Variants in DOCK3 observed in about 807,000 individuals in gnomAD.
The protein encoded by DOCK3 is dedicator of cytokinesis protein 3.
Under a neutral mutation model 265.6 loss-of-function variants are expected in DOCK3, and 60 were observed. That is an observed-to-expected ratio of 0.23 (90% CI 0.18 to 0.28). The LOEUF is 0.28. Ranked by LOEUF, DOCK3 falls within the 10% of genes least tolerant of loss-of-function variation. The pLI is 1.00. For synonymous variants in DOCK3, 881 were observed against 938.0 expected (o/e 0.94, Z 1.11); for missense variants, 1,981 against 2,594.3 (o/e 0.76, Z 5.14).
In DOCK3 at chr3:50,832,800, T is replaced by C. The variant is rs114022518; in HGVS notation, c.122-8875T>C. On this transcript the variant is annotated intron_variant, in intron 2 of 52. Transcript: ENST00000266037. ...TCAGGCTGAATAGGGGTGGTGATAT[T>C]CCTGCCTAACTATCAGGGTCTCTTG... is the stretch of plus-strand genomic sequence containing the variant. 2.7e-3 allele frequency among the ~76,000 whole-genome samples: 416 copies of C among 152,294 alleles called. 1 individual carries two copies. Among genetic ancestry groups the C allele is most frequent in the African/African-American group, 9.6e-3 (398 of 41,568 alleles).
rs894567957 is a variant in DOCK3 at position 50,724,685 on chromosome 3, G to A, written c.37+49385G>A. On this transcript the variant is annotated intron_variant, in intron 1 of 52. Transcript: ENST00000266037. ...GGAACATCACACACCGGGGCCTGTC[G>A]GGGGATGGGGGTCTGGGGGAGGGAT... Among the ~76,000 whole-genome samples, 8 of 152,052 alleles carry A rather than the reference G, an allele frequency of 5.3e-5. No individual in the cohort carries two copies. In the South Asian group the frequency reaches 8.3e-4, roughly 16 times the overall value.
intron 3 of DOCK3, among the ~76,000 whole-genome samples, chr3:50,869,349 T>TTTTTTTTTTTTTTTTTGGAGA (rs2047323187): frequency 7.5e-5 from 1 of 13,328 alleles, no homozygotes; most frequent in African/African-American, 3.5e-4. Context: ...GGAATTTTTT[T>TTTTTTTTTTTTTTTTTGGAGA]TTTTTTTTTT....
chr3:50,768,670 T>G (rs140155777), intron 1 of DOCK3, among the ~76,000 whole-genome samples: 1 of 152,238 alleles, frequency 6.6e-6, no homozygotes, highest in African/African-American at 2.4e-5. Flanking sequence ...TGGACACTTA[T>G]ATTGATTCCA....
At chr3:50,839,091 A>G (rs926144939) in intron 2 of DOCK3, among the ~76,000 whole-genome samples, 2 of 152,216 alleles carry the variant, frequency 1.3e-5, no homozygotes, top group Admixed American at 6.5e-5. Context: ...CATTTGCATT[A>G]TCATTATATG....
chr3:51,214,889 T>C (rs1460276392), intron 14 of DOCK3, among the ~76,000 whole-genome samples: 1 of 152,148 alleles, frequency 6.6e-6, no homozygotes, highest in East Asian at 1.9e-4. Flanking sequence ...GTTCTTGTTT[T>C]CTAATTAGGC....
chr3:51,383,086 C>T lies in DOCK3; in HGVS notation c.*1527C>T, dbSNP rs2088764316. 1 of 152,258 alleles carries T rather than the reference C, an allele frequency of 6.6e-6. No individual in the cohort carries two copies. The highest frequency in any genetic ancestry group is 2.1e-4 in the South Asian group (1 of 4,828). 9.4% of individuals were successfully genotyped at this position (152,258 alleles called of 1,614,324 possible). ...GCCTGTATGACCTCCACAGCCAGGC[C>T]CTGGGCCCAAGCCCCTTGTCCCTTC... On this transcript the variant is annotated 3_prime_UTR_variant, in exon 53 of 53. Transcript: ENST00000266037.
At chr3:51,108,040 T>G (rs947599334) in intron 9 of DOCK3, among the ~76,000 whole-genome samples, 2 of 145,898 alleles carry the variant, frequency 1.4e-5, no homozygotes, top group African/African-American at 2.6e-5. Flanking sequence ...TATTCAACAT[T>G]CTTTTTTTTT....
At chr3:50,771,849 T>TCAAAAA (rs1236272788) in intron 1 of DOCK3, among the ~76,000 whole-genome samples, 2 of 151,912 alleles carry the variant, frequency 1.3e-5, no homozygotes, top group African/African-American at 2.4e-5. Flanking sequence ...AGACTCCATC[T>TCAAAAA]CAAAAACAAA....
intron 5 of DOCK3, among the ~76,000 whole-genome samples, chr3:50,999,046 AAG>A (rs1411635752): frequency 1.3e-5 from 2 of 152,224 alleles, no homozygotes; most frequent in Admixed American, 6.5e-5. Context: ...AGAAATTAAA[AAG>A]AGTTAAAATT....
chr3:50,748,609 A>G (rs1576323232), intron 1 of DOCK3, among the ~76,000 whole-genome samples: 1 of 152,310 alleles, frequency 6.6e-6, no homozygotes, highest in African/African-American at 2.4e-5. Context: ...ACAATCTCTG[A>G]AAAACAGTGC....
In DOCK3 at chr3:51,374,448, A is replaced by C; in HGVS notation, c.5294-21A>C. On this transcript the variant is annotated intron_variant, in intron 49 of 52. Coordinates refer to ENST00000266037, the MANE Select transcript of DOCK3 (RefSeq NM_004947.5). The surrounding 1 kb of genome is among the most constrained non-coding windows in gnomAD (Gnocchi z 4.8). Reference sequence around the variant, plus strand: ...ATCTGTGGCTTGTCATCTGTGCTTGATTGTTCTCACTTGGTTACAGGCTCT... The same window carrying C: ...ATCTGTGGCTTGTCATCTGTGCTTGCTTGTTCTCACTTGGTTACAGGCTCT... The C allele has an allele frequency of 1.2e-6, 2 of 1,603,476 alleles. No homozygotes were observed. Among genetic ancestry groups the C allele is most frequent in the Non-Finnish European group, 1.7e-6 (2 of 1,174,858 alleles).
At chr3:50,887,856 C>T (rs1326720930) in intron 3 of DOCK3, among the ~76,000 whole-genome samples, 3 of 151,260 alleles carry the variant, frequency 2.0e-5, no homozygotes, top group East Asian at 1.9e-4. Context: ...ACCGATTGAA[C>T]GTATCTCAAA....
intron 5 of DOCK3, among the ~76,000 whole-genome samples, chr3:51,036,275 A>G (rs1401371637): frequency 6.6e-6 from 1 of 152,212 alleles, no homozygotes; most frequent in Non-Finnish European, 1.5e-5. Flanking sequence ...TGGAACTCCA[A>G]TACTATATTC....
chr3:51,235,621 C>T (rs990104584), intron 19 of DOCK3, among the ~76,000 whole-genome samples: 1 of 152,174 alleles, frequency 6.6e-6, no homozygotes, highest in South Asian at 2.1e-4. Flanking sequence ...CCTTCTACCT[C>T]ATATTTTTCA....
chr3:50,802,965 T>C (rs1201341358), intron 2 of DOCK3, among the ~76,000 whole-genome samples: 1 of 151,868 alleles, frequency 6.6e-6, no homozygotes, highest in Non-Finnish European at 1.5e-5. Flanking sequence ...TTCTTCATTT[T>C]TATAATTTAG....
At chr3:50,681,859 A>T (rs1374184174) in intron 1 of DOCK3, among the ~76,000 whole-genome samples, 2 of 152,254 alleles carry the variant, frequency 1.3e-5, no homozygotes, top group African/African-American at 4.8e-5. Flanking sequence ...TGATAAACAC[A>T]GAACTTGATA....
At position 51,151,424 on chromosome 3, in the gene DOCK3, C is replaced by T. The variant is rs577636008; in HGVS notation, c.828+4794C>T. 2.0e-4 allele frequency among the ~76,000 whole-genome samples: 31 copies of T among 152,226 alleles called. No homozygotes were observed. The South Asian group carries it at 6.2e-3, about 31-fold the overall frequency. On this transcript the variant is annotated intron_variant, in intron 10 of 52. Transcript: ENST00000266037. ...ACCAAAAGGACATCCACACCAAAACCCTATCTGTAGGTCACCAGCATCAAA... is the reference window on the plus strand; with the variant it reads ...ACCAAAAGGACATCCACACCAAAACTCTATCTGTAGGTCACCAGCATCAAA...
At chr3:50,697,649 G>A (rs906606262) in intron 1 of DOCK3, among the ~76,000 whole-genome samples, 1 of 152,090 alleles carries the variant, frequency 6.6e-6, no homozygotes, top group South Asian at 2.1e-4. Flanking sequence ...CACAACCTTA[G>A]CCTCTAGAAG....
At chr3:51,297,844 T>C (rs1239859328) in intron 27 of DOCK3, among the ~76,000 whole-genome samples, 1 of 152,006 alleles carries the variant, frequency 6.6e-6, no homozygotes, top group Admixed American at 6.6e-5. Flanking sequence ...AGTCCCAGTT[T>C]AGTCCCAGCT....
Sources: allele counts gnomAD v4.1 joint callset (sites outside exome capture counted in the v4.1 genomes callset), GRCh38; gene constraint gnomAD v4.1.1; non-coding constraint Gnocchi (gnomAD v3.1); transcripts MANE v1.5; gene names NCBI Gene and HGNC (gene_info 2026-07-23, HGNC 2026-07-21).